CNTN4: variants seen among roughly 807,000 people sequenced by gnomAD.
The protein encoded by CNTN4 is contactin 4.
CNTN4 carries 77 observed loss-of-function variants against 122.5 expected under a neutral mutation model. The ratio of observed to expected loss-of-function variants is 0.63; its 90% CI spans 0.52 to 0.76. The LOEUF (loss-of-function observed/expected upper bound fraction) is 0.76. CNTN4 is among the 30% of genes least tolerant of loss of function. The probability of loss-of-function intolerance (pLI) is 0.00; values close to 1 mark genes in which losing one functional copy is unlikely to be tolerated. For missense variants in CNTN4, 1,256 were observed against 1,259.1 expected (o/e 1.00, Z 0.04); for synonymous variants, 512 against 447.0 (o/e 1.15, Z -1.83).
At chr3:2,370,993 T>A (rs2045611324) in intron 3 of CNTN4, among the ~76,000 whole-genome samples, 1 of 152,200 alleles carries the variant, frequency 6.6e-6, no homozygotes, top group Non-Finnish European at 1.5e-5. Context: ...CTTGGCAATT[T>A]CATAATTTCA....
At chr3:2,861,840 C>T (rs750251554) in intron 7 of CNTN4, among the ~76,000 whole-genome samples, 1 of 152,124 alleles carries the variant, frequency 6.6e-6, no homozygotes, top group African/African-American at 2.4e-5. Context: ...ATTTGATGAT[C>T]TACATATAGA....
At chr3:2,244,057 C>T (rs1438072471) in intron 2 of CNTN4, among the ~76,000 whole-genome samples, 2 of 152,042 alleles carry the variant, frequency 1.3e-5, no homozygotes, top group Non-Finnish European at 2.9e-5. Context: ...CATACCACAA[C>T]TCCAAGTAGA....
intron 2 of CNTN4, among the ~76,000 whole-genome samples, chr3:2,288,481 C>T (rs1185911200): frequency 2.0e-5 from 3 of 152,144 alleles, no homozygotes; most frequent in Non-Finnish European, 4.4e-5. Context: ...ATCTATCTCC[C>T]TGACCCAAAT....
At chr3:2,415,869 A>T (rs2047393350) in intron 3 of CNTN4, among the ~76,000 whole-genome samples, 1 of 152,110 alleles carries the variant, frequency 6.6e-6, no homozygotes, top group African/African-American at 2.4e-5. Context: ...TGGTTGCAGC[A>T]CATTTTCCTC....
intron 2 of CNTN4, among the ~76,000 whole-genome samples, chr3:2,190,829 C>CACACAT: frequency 6.9e-6 from 1 of 144,446 alleles, no homozygotes; most frequent in Non-Finnish European, 1.5e-5. Flanking sequence ...CACACACACA[C>CACACAT]ACACATACAC....
chr3:2,434,308 G>T (rs952390134), intron 3 of CNTN4, among the ~76,000 whole-genome samples: 8 of 151,806 alleles, frequency 5.3e-5, no homozygotes, highest in African/African-American at 1.9e-4. Flanking sequence ...AAATTTAAAA[G>T]AATTGAACAA....
At chr3:2,357,854 A>C (rs988211971) in intron 3 of CNTN4, among the ~76,000 whole-genome samples, 1 of 152,230 alleles carries the variant, frequency 6.6e-6, no homozygotes, top group Non-Finnish European at 1.5e-5. Context: ...TCAGGCTTTA[A>C]TGCCTGTAAA....
At chr3:2,513,319 T>C (rs1480394248) in intron 3 of CNTN4, among the ~76,000 whole-genome samples, 2 of 152,176 alleles carry the variant, frequency 1.3e-5, no homozygotes, top group African/African-American at 4.8e-5. Context: ...TAACTGTTAG[T>C]GTTTTTCTGA....
At chr3:2,764,287 CAA>C (rs1469153184) in intron 6 of CNTN4, among the ~76,000 whole-genome samples, 3 of 151,960 alleles carry the variant, frequency 2.0e-5, no homozygotes, top group Non-Finnish European at 4.4e-5. Context: ...ATGTTTGTGA[CAA>C]AGGAAATTAA....
At chr3:2,215,422 T>C (rs1178810153) in intron 2 of CNTN4, among the ~76,000 whole-genome samples, 1 of 152,188 alleles carries the variant, frequency 6.6e-6, no homozygotes, top group Non-Finnish European at 1.5e-5. Flanking sequence ...ACCACAGCAG[T>C]GAGTTTTTCC....
intron 13 of CNTN4, among the ~76,000 whole-genome samples, chr3:2,964,296 A>C (rs1156797361): frequency 6.6e-6 from 1 of 152,202 alleles, no homozygotes; most frequent in Non-Finnish European, 1.5e-5. Flanking sequence ...GTTCTGCATA[A>C]GAAAATTAGA....
intron 2 of CNTN4, among the ~76,000 whole-genome samples, chr3:2,252,661 T>C (rs2040422788): frequency 6.6e-6 from 1 of 152,114 alleles, no homozygotes; most frequent in South Asian, 2.1e-4. Flanking sequence ...TTTAGAATCC[T>C]GTCTACTATG....
intron 2 of CNTN4, among the ~76,000 whole-genome samples, chr3:2,167,286 C>T (rs1182780927): frequency 1.3e-5 from 2 of 152,088 alleles, no homozygotes; most frequent in African/African-American, 4.8e-5. Flanking sequence ...ATTGCCACCT[C>T]ATGGAATGAA....
At chr3:2,332,584 A>G (rs1036017238) in intron 2 of CNTN4, among the ~76,000 whole-genome samples, 2 of 151,992 alleles carry the variant, frequency 1.3e-5, no homozygotes, top group Non-Finnish European at 2.9e-5. Context: ...AAAATCCTCA[A>G]GTAAAGCTCT....
At chr3:2,815,333 C>T (rs1448755494) in intron 6 of CNTN4, among the ~76,000 whole-genome samples, 1 of 152,158 alleles carries the variant, frequency 6.6e-6, no homozygotes, top group Non-Finnish European at 1.5e-5. Flanking sequence ...TCTTCGTCAT[C>T]TATACATCTG....
Position 2,917,109 on chromosome 3 carries a change from G to C in CNTN4, c.1208-8520G>C, listed in dbSNP as rs761091663. 5.5e-4 allele frequency among the ~76,000 whole-genome samples: 75 copies of C among 136,122 alleles called. 3 individuals are homozygous for C. The highest frequency in any genetic ancestry group is 9.9e-4 in the Non-Finnish European group (63 of 63,642). The allele number at this position is 136,122 out of a possible 152,430, so 89.3% of individuals were successfully genotyped here. A position where few individuals can be genotyped will look rare whatever the true frequency, so the allele number is the denominator to read the frequency against. On this transcript the variant is annotated intron_variant, in intron 12 of 24. Coordinates refer to ENST00000418658, the MANE Select transcript of CNTN4 (RefSeq NM_175607.3). ...GCGGTTAGGAGCTGGAGACCAGCCC[G>C]GCCAACACGGCGAAACCCCGTCTCC...
chr3:2,900,741 G>C lies in CNTN4; in HGVS notation c.997G>C (p.Val333Leu). 1.2e-6 allele frequency: 2 copies of C among 1,613,934 alleles called. No homozygotes were observed. Among genetic ancestry groups the C allele is most frequent in the South Asian group, 2.2e-5 (2 of 91,078 alleles). The stretch of plus-strand genomic sequence containing the variant: ...TATTCACGTGGCCATGGAAGAAAAT[G>C]TCTTTTGGGAATGTAAAGCAAATGG... ...NDIHVAMEEN[V>L]FWECKANGRP... Residue 333 changes from valine to leucine, a missense_variant, in exon 11 of 25, where the codon GTC (valine) becomes CTC (leucine). Physicochemically the swap from Val to Leu is conservative, Grantham distance 32. Transcript: ENST00000418658.
chr3:3,009,624 G>C (rs1326170877), intron 14 of CNTN4, among the ~76,000 whole-genome samples: 3 of 151,882 alleles, frequency 2.0e-5, no homozygotes, highest in Non-Finnish European at 2.9e-5. Flanking sequence ...TAGTAGAGAC[G>C]GGGTTTCACC....
chr3:3,028,168 C>T (rs1235461814), intron 15 of CNTN4, among the ~76,000 whole-genome samples: 1 of 152,136 alleles, frequency 6.6e-6, no homozygotes, highest in African/African-American at 2.4e-5. Context: ...TAGAGTTAAC[C>T]TATTGAGGTT....
Sources: gnomAD v4.1 joint callset for allele counts (sites outside exome capture counted in the v4.1 genomes callset) on GRCh38, gnomAD v4.1.1 for gene constraint, MANE v1.5 for transcripts, NCBI Gene and HGNC (gene_info 2026-07-23, HGNC 2026-07-21) for gene names.